Variants in CORO2B observed in about 807,000 individuals in gnomAD.
CORO2B encodes the protein coronin 2B.
CORO2B carries 26 observed loss-of-function variants against 58.8 expected under a neutral mutation model. That is an observed-to-expected ratio of 0.44 (90% CI 0.32 to 0.61). The LOEUF is 0.61. Among genes scored for constraint, CORO2B ranks in the 20% least tolerant of loss-of-function variants. CORO2B has a pLI of 0.04. For synonymous variants in CORO2B, 242 were observed against 253.8 expected (o/e 0.95, Z 0.44); for missense variants, 460 against 645.1 (o/e 0.71, Z 3.11).
At chr15:68,599,819 ATCTTG>A (rs1899936519) in intron 1 of CORO2B, among the ~76,000 whole-genome samples, 1 of 152,190 alleles carries the variant, frequency 6.6e-6, no homozygotes, top group Non-Finnish European at 1.5e-5. Context: ...TCAAAAATTA[ATCTTG>A]TCTAATTGTG....
chr15:68,633,155 T>G (rs906956238), intron 1 of CORO2B, among the ~76,000 whole-genome samples: 1 of 152,104 alleles, frequency 6.6e-6, no homozygotes, highest in African/African-American at 2.4e-5. Flanking sequence ...GGAGCAGAGC[T>G]GTGTGCTGGA....
intron 1 of CORO2B, among the ~76,000 whole-genome samples, chr15:68,615,383 G>T (rs1404806209): frequency 6.6e-6 from 1 of 152,202 alleles, no homozygotes; most frequent in Non-Finnish European, 1.5e-5. Flanking sequence ...AACCCGGGGG[G>T]CCTGGTGTAG....
chr15:68,594,836 C>G (rs897635918), intron 1 of CORO2B, among the ~76,000 whole-genome samples: 1 of 152,202 alleles, frequency 6.6e-6, no homozygotes, highest in Non-Finnish European at 1.5e-5. Flanking sequence ...AGCTTTTCAG[C>G]ACATACTTTC....
chr15:68,585,438 G>A (rs537949789), intron 1 of CORO2B, among the ~76,000 whole-genome samples: 25 of 152,312 alleles, frequency 1.6e-4, no homozygotes, highest in African/African-American at 5.5e-4. Context: ...GTACAACCAT[G>A]GGGTAGATTC....
At chr15:68,596,815 G>A (rs923332915) in intron 1 of CORO2B, among the ~76,000 whole-genome samples, 10 of 152,266 alleles carry the variant, frequency 6.6e-5, no homozygotes, top group South Asian at 2.1e-4. Flanking sequence ...ACAAACCCAC[G>A]GGGAGAAATG....
chr15:68,647,604 G>A (rs939504252), intron 2 of CORO2B, among the ~76,000 whole-genome samples: 3 of 151,552 alleles, frequency 2.0e-5, no homozygotes, highest in Non-Finnish European at 4.4e-5. Flanking sequence ...CAGGGGAATC[G>A]CTTGAACCTG....
At chr15:68,719,581 G>A in intron 11 of CORO2B, 29 bp downstream of exon 11, 4 of 1,594,818 alleles carry the variant, frequency 2.5e-6, no homozygotes, top group Non-Finnish European at 3.4e-6. Flanking sequence ...TACCTCCACA[G>A]GCCCTGGAAG....
chr15:68,599,486 A>G (rs1566981415), intron 1 of CORO2B, among the ~76,000 whole-genome samples: 1 of 152,252 alleles, frequency 6.6e-6, no homozygotes, highest in Non-Finnish European at 1.5e-5. Flanking sequence ...CTTCAGCCAT[A>G]TAAGATGCAT....
chr15:68,531,586 G>GAAAGAA, the CORO2B span, among the ~76,000 whole-genome samples: 1 of 138,748 alleles, frequency 7.2e-6, no homozygotes, highest in African/African-American at 2.7e-5. Flanking sequence ...GAAAGAAAGA[G>GAAAGAA]AAAGAAAGAA....
upstream of CORO2B, among the ~76,000 whole-genome samples, chr15:68,575,347 T>C (rs1192938420): frequency 6.6e-6 from 1 of 151,654 alleles, no homozygotes; most frequent in Non-Finnish European, 1.5e-5. Flanking sequence ...TTTTTCTTTT[T>C]TTTTTTTTTC....
intron 3 of CORO2B, among the ~76,000 whole-genome samples, chr15:68,698,638 G>A (rs1892570013): frequency 6.6e-6 from 1 of 152,158 alleles, no homozygotes; most frequent in South Asian, 2.1e-4. Flanking sequence ...TGGTAGACCT[G>A]GGCTGGAATC....
chr15:68,691,242 T>C (rs904898053), intron 2 of CORO2B, among the ~76,000 whole-genome samples: 1 of 147,778 alleles, frequency 6.8e-6, no homozygotes, highest in Non-Finnish European at 1.5e-5. Context: ...GGCAGGAGAA[T>C]GGCGTGAACC....
intron 2 of CORO2B, among the ~76,000 whole-genome samples, chr15:68,670,497 T>A (rs1902356897): frequency 2.6e-5 from 4 of 152,184 alleles, no homozygotes; most frequent in South Asian, 4.1e-4. Flanking sequence ...ATATTTAGAA[T>A]CATTAGTTTC....
the CORO2B span, among the ~76,000 whole-genome samples, chr15:68,558,750 T>C: frequency 6.6e-6 from 1 of 152,058 alleles, no homozygotes; most frequent in Non-Finnish European, 1.5e-5. Context: ...ACCCACCTCC[T>C]TTCTAGGCCT....
At chr15:68,554,246 G>T in the CORO2B span, among the ~76,000 whole-genome samples, 1 of 152,094 alleles carries the variant, frequency 6.6e-6, no homozygotes, top group Non-Finnish European at 1.5e-5. Flanking sequence ...AAATTGAGTG[G>T]ACTAGACTCA....
At chr15:68,596,354 TG>T (rs1298447139) in intron 1 of CORO2B, among the ~76,000 whole-genome samples, 2 of 2,644 alleles carry the variant, frequency 7.6e-4, no homozygotes, top group Non-Finnish European at 1.6e-3. Context: ...TACAGGGGCA[TG>T]GGGGGTAGGG....
At chr15:68,648,649 C>CA (rs1294195258) in intron 2 of CORO2B, among the ~76,000 whole-genome samples, 4 of 149,160 alleles carry the variant, frequency 2.7e-5, no homozygotes, top group African/African-American at 5.0e-5. Context: ...GACTCCGTCT[C>CA]AAAAAAAAGA....
At chr15:68,583,052 G>A (rs531282171) in intron 1 of CORO2B, among the ~76,000 whole-genome samples, 16 of 152,138 alleles carry the variant, frequency 1.1e-4, no homozygotes, top group Admixed American at 2.0e-4. Flanking sequence ...TTGTAGGTCC[G>A]TGGGCAGCAC....
At chr15:68,577,135 A>G (rs1899303925), upstream of CORO2B, among the ~76,000 whole-genome samples, 1 of 152,172 alleles carries the variant, frequency 6.6e-6, no homozygotes, top group African/African-American at 2.4e-5. Context: ...CTGCTACCCA[A>G]GAGATTTAGT....
Sources: gnomAD v4.1 joint callset for allele counts (sites outside exome capture counted in the v4.1 genomes callset) on GRCh38, gnomAD v4.1.1 for gene constraint, MANE v1.5 for transcripts, NCBI Gene and HGNC (gene_info 2026-07-23, HGNC 2026-07-21) for gene names.